The following GNAS variants were observed in gnomAD, a reference collection of about 807,000 sequenced individuals.
GNAS encodes the protein GNAS complex locus.
GNAS carries 8 observed loss-of-function variants against 54.5 expected under a neutral mutation model. The observed-to-expected ratio is 0.15, with a 90% CI of 0.09 to 0.26. The LOEUF is 0.26. Among genes scored for constraint, GNAS ranks in the 10% least tolerant of loss-of-function variants. GNAS has a pLI of 1.00. For synonymous variants in GNAS, 204 were observed against 191.4 expected, an observed-to-expected ratio of 1.07 and a Z score of -0.54; for missense variants, 170 against 529.8, an observed-to-expected ratio of 0.32 and a Z score of 6.67.
At chr20:58,906,554 C>T (rs1028910922) in intron 6 of GNAS, among the ~76,000 whole-genome samples, 32 of 152,086 alleles carry the variant, frequency 2.1e-4, no homozygotes, top group Non-Finnish European at 3.2e-4. Flanking sequence ...TTTTTTGAAA[C>T]GGAGTCTCAC....
chr20:58,848,347 G>A (rs904908593), intron 1 of GNAS, among the ~76,000 whole-genome samples: 10 of 152,062 alleles, frequency 6.6e-5, no homozygotes, highest in Non-Finnish European at 1.2e-4. Context: ...GGCACACAGC[G>A]TCTATCCATC....
Position 58,853,970 on chromosome 20 carries a change from C to T in GNAS, c.43+13084C>T, listed in dbSNP as rs775363404. On this transcript the variant is annotated intron_variant, in intron 1 of 12. Coordinates refer to the GNAS transcript ENST00000306090. The surrounding 1 kb of genome is among the most constrained non-coding windows in gnomAD (Gnocchi z 4.4). The stretch of plus-strand genomic sequence containing the variant: ...AGCTTGATGGAGAAGGATTTGGGGA[C>T]GACAGCCCACCCCCGGGGCTTTCCC... 3.1e-6 allele frequency: 5 copies of T among 1,612,054 alleles called. No homozygotes were observed. The highest frequency in any genetic ancestry group is 1.3e-5 in the African/African-American group (1 of 74,938).
In GNAS at chr20:58,856,021, A is replaced by C. The variant is rs1402863929; in HGVS notation, c.43+15135A>C. On this transcript the variant is annotated intron_variant, in intron 1 of 12. Coordinates refer to the GNAS transcript ENST00000306090. The surrounding 1 kb of genome is among the most constrained non-coding windows in gnomAD (Gnocchi z 4.2). ...CAAGCGGTGCGGAGGACACGCGGGG[A>C]AGGTGGCGGGGCCTCCCGGGAAATA... The C allele has an allele frequency of 4.7e-6, 1 of 210,868 alleles. No individual in the cohort carries two copies. The highest frequency in any genetic ancestry group is 2.3e-5 in the African/African-American group (1 of 43,264). The allele number at this position is 210,868 out of a possible 1,614,324, so 13.1% of individuals were successfully genotyped here.
rs79863120 is a variant in GNAS at position 58,909,219 on chromosome 20, G to A, written c.585+3G>A. 12 of 1,612,996 alleles carry A rather than the reference G, an allele frequency of 7.4e-6. No homozygotes were observed. In the African/African-American group the frequency reaches 1.1e-4, roughly 14 times the overall value. Reference sequence around the variant, plus strand: ...CTGACTATGTGCCGAGCGATCAGGTGTGCAAAACCCCTCCCCACCAGAGGA... The same window carrying A: ...CTGACTATGTGCCGAGCGATCAGGTATGCAAAACCCCTCCCCACCAGAGGA... On this transcript the variant is annotated splice_donor_region_variant and intron_variant, in intron 7 of 12. Coordinates refer to ENST00000371085, the MANE Select transcript of GNAS (RefSeq NM_000516.7). This position sits in a 1 kb window ranked among gnomAD's most constrained non-coding sequence, Gnocchi z 7.3.
At chr20:58,840,416 G>A, upstream of GNAS, 2 of 1,613,620 alleles carry the variant, frequency 1.2e-6, no homozygotes, top group Non-Finnish European at 1.7e-6. The surrounding 1 kb of genome is among the most constrained non-coding windows in gnomAD (Gnocchi z 6.0). Context: ...CCTAGAGTAC[G>A]AGGAAGAGTT....
At chr20:58,898,756 C>G in intron 2 of GNAS, 185 bp from the exon 3 acceptor site, 1 of 688,396 alleles carries the variant, frequency 1.5e-6, no homozygotes, top group Non-Finnish European at 2.7e-6. Context: ...GGCCTGCAGT[C>G]TCAGTGGATG....
chr20:58,894,098 C>A (rs2089800661), intron 1 of GNAS, among the ~76,000 whole-genome samples: 1 of 152,226 alleles, frequency 6.6e-6, no homozygotes, highest in East Asian at 1.9e-4. Context: ...CCCAAATCCT[C>A]TTTTTACTCC....
Position 58,903,752 on chromosome 20 carries a change from C to T in GNAS, c.393C>T (p.Ile131=), listed in dbSNP as rs7121. 808,873 of 1,612,326 alleles carry T rather than the reference C, an allele frequency of 0.5. 209,225 individuals are homozygous for T. Among genetic ancestry groups the T allele is most frequent in the African/African-American group, 0.76 (56,640 of 74,694 alleles). The change falls in exon 5 of 13, where the codon ATC becomes ATT. Residue 131 remains isoleucine, a synonymous_variant. Transcript: ENST00000371085. The part of the protein sequence containing the change: ...NPENQFRVDY[I]LSVMNVPDFD... ...AGAACCAGTTCAGAGTGGACTACAT[C>T]CTGAGTGTGATGAACGTGCCTGACT...
In GNAS at chr20:58,864,896, T is replaced by C. The variant is rs1477336279; in HGVS notation, c.43+24010T>C. Among the ~76,000 whole-genome samples the C allele has an allele frequency of 1.6e-4, 25 of 151,722 alleles. 1 individual carries two copies. Among genetic ancestry groups the C allele is most frequent in the Admixed American group, 2.0e-4 (3 of 15,196 alleles). On this transcript the variant is annotated intron_variant, in intron 1 of 12. Transcript: ENST00000306090. ...GGTGGTTGTCCTATGCACTGTGGGA[T>C]GTGTAGCAGCATCTCTGACCCCTAC...
At position 58,873,880 on chromosome 20, in the gene GNAS, G is replaced by C. The variant is rs2087623898; in HGVS notation, c.44-21732G>C. Among the ~76,000 whole-genome samples the C allele has an allele frequency of 6.6e-6, 1 of 152,202 alleles. No homozygotes were observed. The highest frequency in any genetic ancestry group is 2.4e-5 in the African/African-American group (1 of 41,442). ...CACAGGGAATAAATAAGGAAAGATG[G>C]AAAGATTGTCAACCAAAAGACTTCA... On this transcript the variant is annotated intron_variant, in intron 1 of 12. Coordinates refer to the GNAS transcript ENST00000306090. The surrounding 1 kb of genome is among the most constrained non-coding windows in gnomAD (Gnocchi z 4.3).
At chr20:58,858,640 G>T (rs1029869763) in intron 1 of GNAS, among the ~76,000 whole-genome samples, 1 of 152,162 alleles carries the variant, frequency 6.6e-6, no homozygotes, top group African/African-American at 2.4e-5. Context: ...AAATTGTGTA[G>T]GCAAATGCTA....
rs770697642 is a variant in GNAS, at chr20:58,891,840, G to A, written c.114G>A (p.Arg38=). 1.3e-5 allele frequency: 16 copies of A among 1,244,444 alleles called. No individual in the cohort carries two copies. The Admixed American group carries it at 1.8e-4, about 14-fold the overall frequency. The allele number at this position is 1,244,444 out of a possible 1,614,324, so 77.1% of individuals were successfully genotyped here. A position where few individuals can be genotyped will look rare whatever the true frequency, so the allele number is the denominator to read the frequency against. ...KQLQKDKQVY[R]ATHRLLLLGA... ...TGCAGAAGGACAAGCAGGTCTACCG[G>A]GCCACGCACCGCCTGCTGCTGCTGG... Residue 38 remains arginine (R), a synonymous_variant, in exon 1 of 13, where the codon CGG becomes CGA. Coordinates refer to ENST00000371085, the MANE Select transcript of GNAS (RefSeq NM_000516.7).
chr20:58,855,079 G>A (rs201265922), intron 1 of GNAS: 1 of 1,613,418 alleles, frequency 6.2e-7, no homozygotes, highest in East Asian at 2.2e-5. Context: ...AAGCCCCAGC[G>A]CAACTTACTC....
At chr20:58,847,003 C>G (rs548579655) in intron 1 of GNAS, among the ~76,000 whole-genome samples, 11 of 152,268 alleles carry the variant, frequency 7.2e-5, no homozygotes, top group African/African-American at 2.6e-4. Flanking sequence ...GCCTCTCCTC[C>G]CCTGAAATTC....
At chr20:58,855,352 C>T in intron 1 of GNAS, 1 of 1,555,030 alleles carries the variant, frequency 6.4e-7, no homozygotes, top group Non-Finnish European at 8.7e-7. Context: ...GCGGACTCTG[C>T]CTGCGGGCAG....
intron 1 of GNAS, among the ~76,000 whole-genome samples, chr20:58,879,033 C>G (rs2088038189): frequency 6.6e-6 from 1 of 152,120 alleles, no homozygotes; most frequent in African/African-American, 2.4e-5. Flanking sequence ...GGATTTTTGT[C>G]TCCTCTTAAA....
rs190166793 is a variant in GNAS, at chr20:58,859,245, G to A, written c.43+18359G>A. Among the ~76,000 whole-genome samples, 232 of 152,322 alleles carry A rather than the reference G, an allele frequency of 1.5e-3. No individual in the cohort carries two copies. In the Middle Eastern group the frequency reaches 0.017, roughly 11 times the overall value. Reference sequence around the variant, plus strand: ...AAACAAAGTCTCCCTCTGTCACCCAGGCTGGAGTGCAATGGCAGGATTTCT... The same window carrying A: ...AAACAAAGTCTCCCTCTGTCACCCAAGCTGGAGTGCAATGGCAGGATTTCT... On this transcript the variant is annotated intron_variant, in intron 1 of 12. Coordinates refer to the GNAS transcript ENST00000306090.
upstream of GNAS, chr20:58,889,173 G>T: frequency 8.2e-7 from 1 of 1,215,882 alleles, no homozygotes; most frequent in Non-Finnish European, 1.1e-6. Flanking sequence ...CCCCGGCGGG[G>T]ACACTCAGTC....
At chr20:58,840,257 C>T (rs775901436), upstream of GNAS, 15 of 1,611,628 alleles carry the variant, frequency 9.3e-6, no homozygotes, top group Non-Finnish European at 1.2e-5. This position sits in a 1 kb window ranked among gnomAD's most constrained non-coding sequence, Gnocchi z 6.0. Flanking sequence ...CTCCAACGCC[C>T]GTGCCCAGCA....
Sources: gnomAD v4.1 joint callset for allele counts (sites outside exome capture counted in the v4.1 genomes callset) on GRCh38, gnomAD v4.1.1 for gene constraint, Gnocchi (gnomAD v3.1) non-coding constraint, MANE v1.5 for transcripts, NCBI Gene and HGNC (gene_info 2026-07-23, HGNC 2026-07-21) for gene names.